The following DCUN1D2 variants were observed in gnomAD, a reference collection of about 807,000 sequenced individuals.
DCUN1D2 encodes defective in cullin neddylation 1 domain containing 2.
Under a neutral mutation model 30.9 loss-of-function variants are expected in DCUN1D2, and 29 were observed. That is an observed-to-expected ratio of 0.94 (90% CI 0.70 to 1.28). The LOEUF is 1.28. Among genes scored for constraint, DCUN1D2 ranks in the 50% most tolerant of loss-of-function variants. DCUN1D2 has a pLI of 0.00. For synonymous variants in DCUN1D2, 121 were observed against 115.3 expected (o/e 1.05, Z -0.32); for missense variants, 325 against 316.9 (o/e 1.03, Z -0.19).
intron 4 of DCUN1D2, among the ~76,000 whole-genome samples, chr13:113,473,393 A>G (rs1017762163): frequency 2.0e-5 from 3 of 152,184 alleles, no homozygotes; most frequent in Admixed American, 2.0e-4. Flanking sequence ...AGACTCCCCA[A>G]GTAAAAAAAA....
At chr13:113,478,563 A>G (rs1225236663) in intron 3 of DCUN1D2, among the ~76,000 whole-genome samples, 1 of 152,128 alleles carries the variant, frequency 6.6e-6, no homozygotes, top group African/African-American at 2.4e-5. Flanking sequence ...TTGAGATGGA[A>G]GGCTTTGCTC....
intron 4 of DCUN1D2, among the ~76,000 whole-genome samples, chr13:113,472,193 G>C (rs1305006585): frequency 1.3e-5 from 2 of 152,064 alleles, no homozygotes; most frequent in Non-Finnish European, 2.9e-5. Context: ...GAGAACCAGA[G>C]CAGGAGAAGG....
At chr13:113,468,549 T>C (rs2044446701) in intron 4 of DCUN1D2, among the ~76,000 whole-genome samples, 1 of 152,008 alleles carries the variant, frequency 6.6e-6, no homozygotes, top group Non-Finnish European at 1.5e-5. Flanking sequence ...AGAACAGTCC[T>C]GGGGAAATAA....
intron 1 of DCUN1D2, among the ~76,000 whole-genome samples, chr13:113,484,912 T>C (rs1376875500): frequency 1.3e-5 from 2 of 152,008 alleles, no homozygotes; most frequent in East Asian, 1.9e-4. Context: ...ACCCCATCTC[T>C]ACTAAAAATA....
At position 113,456,057 on chromosome 13, in the gene DCUN1D2, A is replaced by C; in HGVS notation, c.*1972T>G. On this transcript the variant is annotated 3_prime_UTR_variant, in exon 7 of 7. Transcript: ENST00000478244. ...TCTATAAACTTTTCTGAACAAAACA[A>C]TTACATGTCAAGAATCCATGAAGCC... The C allele has an allele frequency of 2.5e-6, 1 of 397,438 alleles. No homozygotes were observed. Among genetic ancestry groups the C allele is most frequent in the Non-Finnish European group, 4.4e-6 (1 of 225,840 alleles). 24.6% of individuals were successfully genotyped at this position (397,438 alleles called of 1,614,324 possible).
At chr13:113,469,143 T>G (rs925533841) in intron 4 of DCUN1D2, among the ~76,000 whole-genome samples, 49 of 97,728 alleles carry the variant, frequency 5.0e-4, no homozygotes, top group Non-Finnish European at 6.3e-4. Context: ...ACTACACGCC[T>G]GCACACACAC....
chr13:113,469,184 G>C (rs1419359702), intron 4 of DCUN1D2, among the ~76,000 whole-genome samples: 1 of 151,606 alleles, frequency 6.6e-6, no homozygotes, highest in Non-Finnish European at 1.5e-5. Context: ...AGCCAAGAGG[G>C]AGCACCATGA....
At chr13:113,472,458 G>C (rs998005230) in intron 4 of DCUN1D2, among the ~76,000 whole-genome samples, 1 of 152,228 alleles carries the variant, frequency 6.6e-6, no homozygotes, top group African/African-American at 2.4e-5. Flanking sequence ...GCCCAGGGCA[G>C]CCTGCCGTGC....
At chr13:113,470,017 A>G (rs369457096) in intron 4 of DCUN1D2, among the ~76,000 whole-genome samples, 1 of 152,256 alleles carries the variant, frequency 6.6e-6, no homozygotes, top group African/African-American at 2.4e-5. Context: ...AAATGACTTT[A>G]CTAGAAGGCA....
At chr13:113,484,206 G>C in intron 1 of DCUN1D2, 150 bp from the exon 2 acceptor site, 5 of 1,446,382 alleles carry the variant, frequency 3.5e-6, no homozygotes, top group Non-Finnish European at 3.6e-6. Context: ...TCTGAAAATG[G>C]AAACAACAGC....
In DCUN1D2 at chr13:113,480,583, T is replaced by G; in HGVS notation, c.381A>C (p.Thr127=). 6.2e-7 allele frequency: 1 copy of G among 1,614,106 alleles called. No individual in the cohort carries two copies. Among genetic ancestry groups the G allele is most frequent in the Non-Finnish European group, 8.5e-7 (1 of 1,179,992 alleles). The change falls in exon 3 of 7, where the codon ACA becomes ACC. Residue 127 remains threonine, a synonymous_variant. Coordinates refer to ENST00000478244, the MANE Select transcript of DCUN1D2 (RefSeq NM_001014283.2). Reference sequence around the variant, plus strand: ...AAGAATAGTTGACTTACCCAAGTTCTGTCATGCCATCTAGAAATTCCTTTC... The same window carrying G: ...AAGAATAGTTGACTTACCCAAGTTCGGTCATGCCATCTAGAAATTCCTTTC... ...FSRKEFLDGM[T]ELGCDSMEKL... is the part of the protein sequence containing the mutation.
rs10129114 is a variant in DCUN1D2, at chr13:113,473,660, C to T, written c.520+464G>A. ...GTACGCGGTATTATAAACTCATCTACCTACATACAGAGCAAAGTGTGGAGA... is the reference window on the plus strand; with the variant it reads ...GTACGCGGTATTATAAACTCATCTATCTACATACAGAGCAAAGTGTGGAGA... On this transcript the variant is annotated intron_variant, in intron 4 of 6. Coordinates refer to ENST00000478244, the MANE Select transcript of DCUN1D2 (RefSeq NM_001014283.2). Among the ~76,000 whole-genome samples the T allele has an allele frequency of 6.3e-3, 964 of 152,290 alleles. 8 individuals carry two copies. The highest frequency in any genetic ancestry group is 0.022 in the African/African-American group (921 of 41,562).
Position 113,490,665 on chromosome 13 carries a change from A to G in DCUN1D2, c.3+2T>C. 8.0e-7 allele frequency: 1 copy of G among 1,249,034 alleles called. No homozygotes were observed. Among genetic ancestry groups the G allele is most frequent in the Non-Finnish European group, 1.0e-6 (1 of 995,788 alleles). 77.4% of individuals were successfully genotyped at this position (1,249,034 alleles called of 1,614,324 possible). ...GGGCAGAGGCGACGCCGGGCCACCT[A>G]CCATCTCCCCCGCGCCGCCCGCTTC... On this transcript the variant is annotated splice_donor_variant, in intron 1 of 6. Coordinates refer to ENST00000478244, the MANE Select transcript of DCUN1D2 (RefSeq NM_001014283.2). LOFTEE classifies it high-confidence loss of function. The surrounding 1 kb of genome is among the most constrained non-coding windows in gnomAD (Gnocchi z 5.2).
intron 4 of DCUN1D2, among the ~76,000 whole-genome samples, chr13:113,471,526 A>C (rs1194127809): frequency 3.3e-5 from 5 of 152,268 alleles, no homozygotes; most frequent in Admixed American, 2.6e-4. Context: ...ATTAGAAAGT[A>C]CTTACTGAAA....
chr13:113,485,604 C>G (rs1238490477), intron 1 of DCUN1D2, among the ~76,000 whole-genome samples: 2 of 152,122 alleles, frequency 1.3e-5, no homozygotes, highest in Non-Finnish European at 2.9e-5. Flanking sequence ...CTCACACATA[C>G]CAATTCCTCA....
intron 4 of DCUN1D2, among the ~76,000 whole-genome samples, chr13:113,466,417 C>T (rs1288353657): frequency 6.6e-6 from 1 of 152,158 alleles, no homozygotes; most frequent in Non-Finnish European, 1.5e-5. Context: ...GCTCATAAAT[C>T]AAGAGTTATT....
At chr13:113,467,054 C>T (rs888793692) in intron 4 of DCUN1D2, among the ~76,000 whole-genome samples, 2 of 151,932 alleles carry the variant, frequency 1.3e-5, no homozygotes, top group Non-Finnish European at 1.5e-5. Context: ...GTGATCCGCC[C>T]GCCTCGGCCT....
At chr13:113,489,411 A>G (rs1363141445) in intron 1 of DCUN1D2, among the ~76,000 whole-genome samples, 1 of 152,220 alleles carries the variant, frequency 6.6e-6, no homozygotes, top group Non-Finnish European at 1.5e-5. Context: ...AAAGGTCACA[A>G]AAGCTCGGCT....
At chr13:113,477,923 T>G (rs2139724230) in intron 3 of DCUN1D2, among the ~76,000 whole-genome samples, 1 of 152,292 alleles carries the variant, frequency 6.6e-6, no homozygotes, top group Admixed American at 6.5e-5. Flanking sequence ...ACTGGTCAGT[T>G]TCCTGATACT....
Sources: allele counts gnomAD v4.1 joint callset (sites outside exome capture counted in the v4.1 genomes callset), GRCh38; gene constraint gnomAD v4.1.1; non-coding constraint Gnocchi (gnomAD v3.1); transcripts MANE v1.5; gene names NCBI Gene and HGNC (gene_info 2026-07-23, HGNC 2026-07-21).